The following DZIP1 variants were observed in gnomAD, a reference collection of about 807,000 sequenced individuals.
DZIP1 encodes DAZ interacting zinc finger protein 1.
DZIP1 carries 97 observed loss-of-function variants against 107.6 expected under a neutral mutation model. That is an observed-to-expected ratio of 0.90 (90% confidence interval 0.77 to 1.07). The LOEUF is 1.07. DZIP1 is among the 50% of genes least tolerant of loss of function. DZIP1 has a pLI of 0.00. For missense variants in DZIP1, 1,035 were observed against 1,063.6 expected, an observed-to-expected ratio of 0.97 and a Z score of 0.37; for synonymous variants, 390 against 386.4, an observed-to-expected ratio of 1.01 and a Z score of -0.11.
At chr13:95,597,887 C>A (rs2044502741) in intron 15 of DZIP1, among the ~76,000 whole-genome samples, 2 of 152,132 alleles carry the variant, frequency 1.3e-5, no homozygotes, top group African/African-American at 4.8e-5. Flanking sequence ...AATAGTGCAG[C>A]TTGAACAAGT....
chr13:95,589,659 C>G, intron 18 of DZIP1, 144 bp downstream of exon 18: 1 of 1,089,394 alleles, frequency 9.2e-7, no homozygotes, highest in African/African-American at 1.6e-5. Flanking sequence ...CCTGACTATA[C>G]TGGCATCCTG....
intron 15 of DZIP1, among the ~76,000 whole-genome samples, chr13:95,596,723 A>G (rs2044466880): frequency 6.6e-6 from 1 of 152,208 alleles, no homozygotes; most frequent in Non-Finnish European, 1.5e-5. Context: ...TAGCATCTAT[A>G]AAACTGCAAG....
chr13:95,610,896 A>G (rs889229385), intron 12 of DZIP1, among the ~76,000 whole-genome samples: 1 of 152,290 alleles, frequency 6.6e-6, no homozygotes, highest in South Asian at 2.1e-4. Context: ...GCCTTGCACC[A>G]TAGGTTGACC....
chr13:95,628,217 A>AT (rs1438301546), intron 7 of DZIP1, among the ~76,000 whole-genome samples: 4 of 151,918 alleles, frequency 2.6e-5, no homozygotes, highest in Admixed American at 2.0e-4. Context: ...TAATTTTTTA[A>AT]TTTTTTGTAG....
chr13:95,630,256 A>G (rs1005881450), intron 6 of DZIP1, 143 bp from the exon 7 acceptor site: 5 of 1,032,992 alleles, frequency 4.8e-6, no homozygotes, highest in South Asian at 1.8e-5. Context: ...ACATGAGCCA[A>G]TTTTTGCTCT....
chr13:95,613,477 A>G (rs983546536), intron 10 of DZIP1, among the ~76,000 whole-genome samples: 15 of 151,290 alleles, frequency 9.9e-5, no homozygotes, highest in African/African-American at 3.7e-4. Context: ...ATGTCTTTGC[A>G]CTCCAGCCTG....
chr13:95,634,746 C>T (rs1877592131), intron 5 of DZIP1, among the ~76,000 whole-genome samples: 1 of 152,054 alleles, frequency 6.6e-6, no homozygotes, highest in African/African-American at 2.4e-5. Context: ...ATCATAATAC[C>T]ATTATTCCAC....
intron 9 of DZIP1, among the ~76,000 whole-genome samples, chr13:95,620,175 C>T (rs1195129722): frequency 1.3e-5 from 2 of 152,160 alleles, no homozygotes; most frequent in Non-Finnish European, 2.9e-5. Context: ...TTGCTGTTCT[C>T]ATGATAGTGA....
At chr13:95,594,836 A>G (rs982685485) in intron 15 of DZIP1, among the ~76,000 whole-genome samples, 6 of 151,342 alleles carry the variant, frequency 4.0e-5, no homozygotes, top group Non-Finnish European at 8.8e-5. Flanking sequence ...ACAATAGGAC[A>G]TATTCTCCTC....
chr13:95,643,656 C>A lies in DZIP1; in HGVS notation c.-483G>T, dbSNP rs896485245. ...CACTGGGCTGCAGGATCAGCGGGAACAAGAGCTGTGGTCTCTCTTGCTCAA... is the reference window on the plus strand; with the variant it reads ...CACTGGGCTGCAGGATCAGCGGGAAAAAGAGCTGTGGTCTCTCTTGCTCAA... On this transcript the variant is annotated 5_prime_UTR_variant, in exon 2 of 23. Transcript: ENST00000376829. 29 of 152,708 alleles carry A rather than the reference C, an allele frequency of 1.9e-4. No individual in the cohort carries two copies. The highest frequency in any genetic ancestry group is 6.3e-4 in the African/African-American group (26 of 41,450). The allele number at this position is 152,708 out of a possible 1,614,324, so 9.5% of individuals were successfully genotyped here.
In DZIP1 at chr13:95,606,027, T is replaced by C; in HGVS notation, c.1453A>G (p.Lys485Glu). Reference protein sequence around the residue: ...NAPALHTLETKSSLPMVHEQA... With the variant: ...NAPALHTLETESSLPMVHEQA... ...CCATGCACCATTGGCAGACTTGATT[T>C]AGTTTCCAAAGTGTGCAGGGCTGGG... Residue 485 changes from lysine to glutamate, a missense_variant, in exon 14 of 23, where the codon AAA becomes GAA. Transcript: ENST00000376829. 1 of 1,614,098 alleles carries C rather than the reference T, an allele frequency of 6.2e-7. No individual in the cohort carries two copies. The highest frequency in any genetic ancestry group is 8.5e-7 in the Non-Finnish European group (1 of 1,179,954).
Position 95,641,953 on chromosome 13 carries a change from C to A in DZIP1, c.36+41G>T. 6.4e-7 allele frequency: 1 copy of A among 1,558,014 alleles called. No homozygotes were observed. Reference sequence around the variant, plus strand: ...GGGGAAGCCCCGGTTCTCCCCAGCCCGGCATCCCCGTCGGGGGCGCCCCGG... The same window carrying A: ...GGGGAAGCCCCGGTTCTCCCCAGCCAGGCATCCCCGTCGGGGGCGCCCCGG... On this transcript the variant is annotated intron_variant, in intron 4 of 22. Coordinates refer to ENST00000376829, the MANE Select transcript of DZIP1 (RefSeq NM_198968.4). The surrounding 1 kb of genome is among the most constrained non-coding windows in gnomAD (Gnocchi z 4.3).
Position 95,629,984 on chromosome 13 carries a change from G to A in DZIP1, c.810+5C>T, listed in dbSNP as rs752588558. Reference sequence around the variant, plus strand: ...ATTAAAATACCACAGAATTCTGCCTGGTACCTTGGAGAATCTGACTGCACT... The same window carrying A: ...ATTAAAATACCACAGAATTCTGCCTAGTACCTTGGAGAATCTGACTGCACT... On this transcript the variant is annotated splice_donor_5th_base_variant and intron_variant, in intron 7 of 22. Coordinates refer to ENST00000376829, the MANE Select transcript of DZIP1 (RefSeq NM_198968.4). 4 of 1,597,494 alleles carry A rather than the reference G, an allele frequency of 2.5e-6. No individual in the cohort carries two copies. The highest frequency in any genetic ancestry group is 2.6e-6 in the Non-Finnish European group (3 of 1,174,312).
At chr13:95,590,098 C>G (rs1400725302) in intron 17 of DZIP1, among the ~76,000 whole-genome samples, 166 bp from the exon 18 acceptor site, 1 of 152,034 alleles carries the variant, frequency 6.6e-6, no homozygotes, top group Non-Finnish European at 1.5e-5. Context: ...ACTGTAAAAA[C>G]AAAATCCAAG....
rs368276400 is a variant in DZIP1, at chr13:95,610,111, T to TGTGTGTGAGAGAGA, written c.1364-599_1364-598insTCTCTCTCACACAC. Among the ~76,000 whole-genome samples the TGTGTGTGAGAGAGA allele has an allele frequency of 3.0e-4, 38 of 126,762 alleles. No individual in the cohort carries two copies. In the East Asian group the frequency reaches 3.4e-3, roughly 11 times the overall value. The allele number at this position is 126,762 out of a possible 152,430, so 83.2% of individuals were successfully genotyped here. ...GTGTGTGTGTGTGTGTGTGTGTGTG[T>TGTGTGTGAGAGAGA]GAGAGAGAGACAGAGAGAGAGAGAC... On this transcript the variant is annotated intron_variant, in intron 12 of 22. Transcript: ENST00000376829.
chr13:95,630,263 C>T, intron 6 of DZIP1, 150 bp from the exon 7 acceptor site: 1 of 974,612 alleles, frequency 1.0e-6, no homozygotes, highest in Non-Finnish European at 1.5e-6. Context: ...CCAATTTTTG[C>T]TCTTTAGTTT....
intron 14 of DZIP1, among the ~76,000 whole-genome samples, chr13:95,603,822 G>A (rs531421308): frequency 6.7e-4 from 102 of 152,324 alleles, no homozygotes; most frequent in Non-Finnish European, 6.3e-4. Context: ...TTTAGCTTGT[G>A]TAGCAGAGTT....
At position 95,644,620 on chromosome 13, in the gene DZIP1, G is replaced by C. The variant is rs533525704; in HGVS notation, c.-769C>G. ...TAGGGCCTTCCAGACTCCGGACCAC[G>C]GACGACTCAGGATACCCCACCCCCC... On this transcript the variant is annotated 5_prime_UTR_variant, in exon 1 of 23. Coordinates refer to ENST00000376829, the MANE Select transcript of DZIP1 (RefSeq NM_198968.4). 6 of 152,494 alleles carry C rather than the reference G, an allele frequency of 3.9e-5. No homozygotes were observed. The East Asian group carries it at 5.8e-4, about 15-fold the overall frequency. The allele number at this position is 152,494 out of a possible 1,614,324, so 9.4% of individuals were successfully genotyped here.
At chr13:95,614,783 G>T (rs911762150) in intron 10 of DZIP1, among the ~76,000 whole-genome samples, 1 of 152,004 alleles carries the variant, frequency 6.6e-6, no homozygotes, top group Non-Finnish European at 1.5e-5. Flanking sequence ...GGGTAAAAAG[G>T]GCATGCCATC....
Sources: allele counts gnomAD v4.1 joint callset (sites outside exome capture counted in the v4.1 genomes callset), GRCh38; gene constraint gnomAD v4.1.1; non-coding constraint Gnocchi (gnomAD v3.1); transcripts MANE v1.5; gene names NCBI Gene and HGNC (gene_info 2026-07-23, HGNC 2026-07-21).